ZBBX: variants seen among roughly 807,000 people sequenced by gnomAD.
ZBBX encodes the protein zinc finger B-box domain-containing protein 1.
Under a neutral mutation model 108.5 loss-of-function variants are expected in ZBBX, and 101 were observed. That is an observed-to-expected ratio of 0.93 (90% confidence interval 0.79 to 1.10). The LOEUF (loss-of-function observed/expected upper bound fraction) is 1.10, where lower values mean the gene tolerates loss of function less well. Ranked by LOEUF, ZBBX falls within the 50% of genes least tolerant of loss-of-function variation. ZBBX has a pLI of 0.00. For synonymous variants in ZBBX, 356 were observed against 323.4 expected (o/e 1.10, Z -1.08); for missense variants, 1,009 against 941.4 (o/e 1.07, Z -0.94).
At chr3:167,328,566 C>T (rs1705607560) in intron 10 of ZBBX, among the ~76,000 whole-genome samples, 1 of 151,658 alleles carries the variant, frequency 6.6e-6, no homozygotes, top group Non-Finnish European at 1.5e-5. Flanking sequence ...ACCCCAAGTT[C>T]CTACCAGGAC....
At chr3:167,191,896 C>CATATATATATATATATATATATAT in the ZBBX span, among the ~76,000 whole-genome samples, 6 of 67,950 alleles carry the variant, frequency 8.8e-5, no homozygotes, top group Admixed American at 3.9e-4. Flanking sequence ...TTACAAAAAT[C>CATATATATATATATATATATATAT]ATATATATAT....
intron 20 of ZBBX, among the ~76,000 whole-genome samples, chr3:167,246,988 T>C (rs1431280326): frequency 6.6e-6 from 1 of 152,148 alleles, no homozygotes; most frequent in African/African-American, 2.4e-5. Flanking sequence ...ATGTAGGAAG[T>C]GATACGGAAG....
intron 8 of ZBBX, among the ~76,000 whole-genome samples, chr3:167,351,101 T>A (rs1742565443): frequency 1.3e-5 from 2 of 151,568 alleles, no homozygotes; most frequent in East Asian, 1.9e-4. Flanking sequence ...AAAAAAAGTA[T>A]AAGAAAAAAA....
the ZBBX span, among the ~76,000 whole-genome samples, chr3:167,202,999 T>C: frequency 1.3e-5 from 2 of 152,170 alleles, no homozygotes; most frequent in East Asian, 3.8e-4. Flanking sequence ...AGAATTTTTA[T>C]TGACATGGCA....
intron 9 of ZBBX, among the ~76,000 whole-genome samples, chr3:167,337,312 G>A (rs1412296324): frequency 6.6e-6 from 1 of 152,072 alleles, no homozygotes; most frequent in Non-Finnish European, 1.5e-5. Context: ...GAGGTTAGGA[G>A]TTCAAGACCA....
intron 3 of ZBBX, among the ~76,000 whole-genome samples, chr3:167,373,474 C>T (rs1560199516): frequency 6.6e-6 from 1 of 152,070 alleles, no homozygotes; most frequent in East Asian, 1.9e-4. Flanking sequence ...ACAGCTGACC[C>T]TTCAACAACA....
chr3:167,247,201 G>A (rs575441203), intron 20 of ZBBX, among the ~76,000 whole-genome samples: 37 of 152,294 alleles, frequency 2.4e-4, no homozygotes, highest in African/African-American at 8.2e-4. Flanking sequence ...GATGTTGAGA[G>A]CAGCACATCA....
chr3:167,181,638 C>T, the ZBBX span, among the ~76,000 whole-genome samples: 22 of 152,140 alleles, frequency 1.4e-4, no homozygotes, highest in East Asian at 7.7e-4. Context: ...TCCTCCTGTT[C>T]GTTTAATTTC....
At chr3:167,292,979 A>G (rs1261419925) in intron 18 of ZBBX, among the ~76,000 whole-genome samples, 1 of 152,188 alleles carries the variant, frequency 6.6e-6, no homozygotes, top group African/African-American at 2.4e-5. Context: ...GGACACATAC[A>G]CCCTCCCAAG....
At chr3:167,294,141 A>G (rs763584273) in intron 18 of ZBBX, among the ~76,000 whole-genome samples, 2 of 152,204 alleles carry the variant, frequency 1.3e-5, no homozygotes, top group Admixed American at 6.5e-5. Context: ...TATAGATTCA[A>G]TCCTATCCCC....
chr3:167,295,759 A>ATATATATATATATATAT (rs1560086259), intron 18 of ZBBX, among the ~76,000 whole-genome samples: 1 of 2,092 alleles, frequency 4.8e-4, no homozygotes, highest in Non-Finnish European at 7.6e-4. Context: ...ATATATATAT[A>ATATATATATATATATAT]AAAAAAACTA....
chr3:167,383,030 G>A (rs565158281), upstream of ZBBX, among the ~76,000 whole-genome samples: 19 of 151,936 alleles, frequency 1.3e-4, no homozygotes, highest in East Asian at 3.9e-4. Context: ...TAATAATTCC[G>A]TCCTTAATGA....
In ZBBX at chr3:167,332,286, C is replaced by T. The variant is rs13076968; in HGVS notation, c.687+1541G>A. ...GAGGAGTTAAACACACACACACACACACAAACACACACACACACACGTCTG... is the reference window on the plus strand; with the variant it reads ...GAGGAGTTAAACACACACACACACATACAAACACACACACACACACGTCTG... On this transcript the variant is annotated intron_variant, in intron 10 of 21. Coordinates refer to ENST00000675490, the MANE Select transcript of ZBBX (RefSeq NM_001199201.2). 3.0e-5 allele frequency among the ~76,000 whole-genome samples: 4 copies of T among 133,124 alleles called. 1 individual carries two copies. The Admixed American group carries it at 3.2e-4, about 11-fold the overall frequency. The allele number at this position is 133,124 out of a possible 152,430, so 87.3% of individuals were successfully genotyped here. A position where few individuals can be genotyped will look rare whatever the true frequency, so the allele number is the denominator to read the frequency against.
rs1223209664 is a variant in ZBBX at position 167,279,061 on chromosome 3, T to C, written c.2254+3177A>G. ...GACAAAATCCAACAACCCTTCATGC[T>C]AAAAACTCTCAATAAATTAGGCATT... On this transcript the variant is annotated intron_variant, in intron 20 of 21. Transcript: ENST00000675490. Among the ~76,000 whole-genome samples, 3 of 151,468 alleles carry C rather than the reference T, an allele frequency of 2.0e-5. No individual in the cohort carries two copies. The East Asian group carries it at 5.8e-4, about 29-fold the overall frequency.
chr3:167,186,733 G>T, the ZBBX span, among the ~76,000 whole-genome samples: 8 of 152,102 alleles, frequency 5.3e-5, no homozygotes, highest in African/African-American at 1.7e-4. Flanking sequence ...TCAATAAAAT[G>T]AGCAGAGAAG....
intron 2 of ZBBX, among the ~76,000 whole-genome samples, chr3:167,374,801 A>C (rs1746692532): frequency 2.0e-5 from 3 of 152,186 alleles, no homozygotes; most frequent in Non-Finnish European, 2.9e-5. Flanking sequence ...GAAAAGAGAG[A>C]ATTCAGCTGG....
At chr3:167,340,306 G>A (rs900249299) in intron 9 of ZBBX, among the ~76,000 whole-genome samples, 1 of 151,990 alleles carries the variant, frequency 6.6e-6, no homozygotes, top group Non-Finnish European at 1.5e-5. Flanking sequence ...GCAGGTACTA[G>A]TTACACCAAG....
chr3:167,237,822 C>T (rs1720292210), downstream of ZBBX, among the ~76,000 whole-genome samples: 1 of 151,850 alleles, frequency 6.6e-6, no homozygotes, highest in Non-Finnish European at 1.5e-5. Context: ...TAATTATCAG[C>T]TTAATATTTA....
chr3:167,384,413 G>A (rs749083752), upstream of ZBBX, among the ~76,000 whole-genome samples: 64 of 152,030 alleles, frequency 4.2e-4, no homozygotes, highest in Non-Finnish European at 7.1e-4. Flanking sequence ...ATAAGTAGAT[G>A]GTACTGATAA....
Sources: gnomAD v4.1 joint callset for allele counts (sites outside exome capture counted in the v4.1 genomes callset) on GRCh38, gnomAD v4.1.1 for gene constraint, MANE v1.5 for transcripts, NCBI Gene and HGNC (gene_info 2026-07-23, HGNC 2026-07-21) for gene names.